The following SEMA4B variants were observed in gnomAD, a reference collection of about 807,000 sequenced individuals.
SEMA4B encodes the protein semaphorin 4B.
SEMA4B carries 55 observed loss-of-function variants against 88.1 expected under a neutral mutation model. That is an observed-to-expected ratio of 0.62 (90% CI 0.50 to 0.78). The LOEUF (loss-of-function observed/expected upper bound fraction) is 0.78, where lower values mean the gene tolerates loss of function less well. Ranked by LOEUF, SEMA4B falls within the 30% of genes least tolerant of loss-of-function variation. The pLI is 0.00. For synonymous variants in SEMA4B, 525 were observed against 473.6 expected (o/e 1.11, Z -1.41); for missense variants, 1,062 against 1,111.9 (o/e 0.96, Z 0.64).
rs1474478863 is a variant in SEMA4B at position 90,223,646 on chromosome 15, T to C, written c.949T>C (p.Phe317Leu). ...GCTGTGCTCACGGCCCGACGATGGCTTCCCCTTCAACGTGCTGCAGGATGT... is the reference window on the plus strand; with the variant it reads ...GCTGTGCTCACGGCCCGACGATGGCCTCCCCTTCAACGTGCTGCAGGATGT... ...QLLCSRPDDG[F>L]PFNVLQDVFT... Residue 317 changes from phenylalanine (F) to leucine (L), a missense_variant, in exon 8 of 14, where the codon TTC (phenylalanine) becomes CTC (leucine). Physicochemically the swap from Phe to Leu is conservative, Grantham distance 22. Coordinates refer to ENST00000411539, the MANE Select transcript of SEMA4B (RefSeq NM_198925.4). 1 of 1,613,566 alleles carries C rather than the reference T, an allele frequency of 6.2e-7. No homozygotes were observed. Among genetic ancestry groups the C allele is most frequent in the Non-Finnish European group, 8.5e-7 (1 of 1,179,778 alleles).
chr15:90,221,560 G>T lies in SEMA4B; in HGVS notation c.710-54G>T, dbSNP rs370495602. 9.3e-5 allele frequency: 150 copies of T among 1,609,220 alleles called. 4 individuals are homozygous for T. Among genetic ancestry groups the T allele is most frequent in the East Asian group, 7.1e-4 (32 of 44,782 alleles). ...GAAGGGGGCACTTTCCCCCAGCTTG[G>T]CCTGTCTCCAGGGTTCCTGGGCTGA... On this transcript the variant is annotated intron_variant, in intron 6 of 13. Transcript: ENST00000411539.
chr15:90,204,606 A>T (rs897741631), intron 1 of SEMA4B, among the ~76,000 whole-genome samples: 1 of 152,194 alleles, frequency 6.6e-6, no homozygotes, highest in Non-Finnish European at 1.5e-5. Context: ...TGGAACTACC[A>T]TGCAGAGCTC....
rs535590318 is a variant in SEMA4B at position 90,218,686 on chromosome 15, G to T, written c.384+857G>T. ...AAAACATTAGCCAGGCATGGTGGCA[G>T]GCGCCTGTAGCCCCAGCTACCTGGG... On this transcript the variant is annotated intron_variant, in intron 3 of 13. Transcript: ENST00000411539. Among the ~76,000 whole-genome samples the T allele has an allele frequency of 5.3e-5, 8 of 152,268 alleles. No individual in the cohort carries two copies. In the East Asian group the frequency reaches 7.7e-4, roughly 15 times the overall value.
intron 1 of SEMA4B, among the ~76,000 whole-genome samples, chr15:90,188,928 C>G (rs1478460496): frequency 6.6e-6 from 1 of 152,118 alleles, no homozygotes; most frequent in Non-Finnish European, 1.5e-5. Flanking sequence ...CTCAGCCTCC[C>G]AAAGTGCTGG....
intron 1 of SEMA4B, among the ~76,000 whole-genome samples, chr15:90,202,357 G>T (rs1456115369): frequency 6.6e-6 from 1 of 152,272 alleles, no homozygotes; most frequent in Non-Finnish European, 1.5e-5. Flanking sequence ...GATGGGGGCA[G>T]CTCTGGGCGC....
At chr15:90,209,915 G>A (rs1961180169) in intron 1 of SEMA4B, among the ~76,000 whole-genome samples, 1 of 152,182 alleles carries the variant, frequency 6.6e-6, no homozygotes, top group Non-Finnish European at 1.5e-5. Context: ...TAGCAAGTTA[G>A]GAGCTTGGAC....
upstream of SEMA4B, among the ~76,000 whole-genome samples, chr15:90,198,602 G>A (rs1358918230): frequency 1.3e-5 from 2 of 152,214 alleles, no homozygotes; most frequent in East Asian, 3.8e-4. Context: ...ATGAGCAAAA[G>A]GAAGCAAGGG....
chr15:90,189,705 T>A (rs1332948725), intron 1 of SEMA4B, among the ~76,000 whole-genome samples: 1 of 152,218 alleles, frequency 6.6e-6, no homozygotes, highest in Non-Finnish European at 1.5e-5. Flanking sequence ...CTAACGCACC[T>A]TAGAGAAATG....
chr15:90,227,525 T>C (rs1419374876), intron 12 of SEMA4B, 32 bp from the exon 13 acceptor site: 6 of 1,608,410 alleles, frequency 3.7e-6, no homozygotes, highest in Non-Finnish European at 5.1e-6. Flanking sequence ...GGGGACTTCC[T>C]GGCCAATCCC....
chr15:90,223,921 A>G lies in SEMA4B; in HGVS notation c.1127A>G (p.Glu376Gly). The change falls in exon 9 of 14, where the codon GAG becomes GGG. Residue 376 changes from glutamate to glycine, a missense_variant. By Grantham distance (98) the Glu-to-Gly change is moderately conservative. Transcript: ENST00000411539. The stretch of plus-strand genomic sequence containing the variant: ...AGAGTCTTCAGCGGCCTCTACAAGG[A>G]GGTGAACCGTGAGACACAGCAGTGG... ...VQRVFSGLYKEVNRETQQWYT... is the reference protein window; with the variant it reads ...VQRVFSGLYKGVNRETQQWYT... 6.2e-7 allele frequency: 1 copy of G among 1,613,870 alleles called. No individual in the cohort carries two copies. Among genetic ancestry groups the G allele is most frequent in the Middle Eastern group, 1.6e-4 (1 of 6,062 alleles).
intron 1 of SEMA4B, among the ~76,000 whole-genome samples, chr15:90,208,981 T>C (rs1000146032): frequency 1.5e-4 from 23 of 152,106 alleles, no homozygotes; most frequent in Admixed American, 1.3e-3. Context: ...TCAGCTGTTA[T>C]ACTTCTATGT....
chr15:90,224,448 G>A (rs905220117), intron 9 of SEMA4B, among the ~76,000 whole-genome samples: 1 of 152,234 alleles, frequency 6.6e-6, no homozygotes, highest in Non-Finnish European at 1.5e-5. Flanking sequence ...CAGCATGAAG[G>A]AATAGGAAGG....
At chr15:90,214,872 T>C in intron 1 of SEMA4B, 1 of 760,190 alleles carries the variant, frequency 1.3e-6, no homozygotes, top group Non-Finnish European at 1.8e-6. Context: ...TCTCTGCTCC[T>C]GATTTTAATG....
rs749467314 is a variant in SEMA4B, at chr15:90,228,864, A to G, written c.*221A>G. 3 of 606,012 alleles carry G rather than the reference A, an allele frequency of 5.0e-6. No homozygotes were observed. Among genetic ancestry groups the G allele is most frequent in the Non-Finnish European group, 8.6e-6 (3 of 347,210 alleles). 37.5% of individuals were successfully genotyped at this position (606,012 alleles called of 1,614,324 possible). A position where few individuals can be genotyped will look rare whatever the true frequency, so the allele number is the denominator to read the frequency against. ...GTGGCCCCAGAGGTCCTGGCCAAAT[A>G]TGGGGGCCTGCCTAGGTTGGTGGAA... is the stretch of plus-strand genomic sequence containing the variant. On this transcript the variant is annotated 3_prime_UTR_variant, in exon 14 of 14. Transcript: ENST00000411539.
At chr15:90,186,113 T>A (rs1281150879) in intron 1 of SEMA4B, among the ~76,000 whole-genome samples, 3 of 151,898 alleles carry the variant, frequency 2.0e-5, no homozygotes, top group African/African-American at 7.2e-5. Context: ...TTTGTATTTT[T>A]AGTAGAGACA....
At chr15:90,209,434 G>A (rs1394595184) in intron 1 of SEMA4B, among the ~76,000 whole-genome samples, 7 of 151,998 alleles carry the variant, frequency 4.6e-5, no homozygotes, top group African/African-American at 9.7e-5. Flanking sequence ...GCATGATGGC[G>A]GGTGCCTGTA....
At position 90,212,943 on chromosome 15, in the gene SEMA4B, G is replaced by A. The variant is rs145126145; in HGVS notation, c.158-4496G>A. Among the ~76,000 whole-genome samples the A allele has an allele frequency of 1.2e-4, 19 of 152,316 alleles. No individual in the cohort carries two copies. Among genetic ancestry groups the A allele is most frequent in the Non-Finnish European group, 1.8e-4 (12 of 68,024 alleles). On this transcript the variant is annotated intron_variant, in intron 1 of 13. Transcript: ENST00000411539. This position sits in a 1 kb window ranked among gnomAD's most constrained non-coding sequence, Gnocchi z 4.0. Reference sequence around the variant, plus strand: ...ATGAGGGAGGCCCGACTCCCGCAAGGAGCCCTGCCCTTCTGCCAGCTCTCA... The same window carrying A: ...ATGAGGGAGGCCCGACTCCCGCAAGAAGCCCTGCCCTTCTGCCAGCTCTCA...
At chr15:90,202,630 C>T (rs1960801453) in intron 1 of SEMA4B, among the ~76,000 whole-genome samples, 1 of 152,226 alleles carries the variant, frequency 6.6e-6, no homozygotes, top group Non-Finnish European at 1.5e-5. Context: ...CTCCCAGTGC[C>T]CCACCTTTCT....
intron 1 of SEMA4B, among the ~76,000 whole-genome samples, chr15:90,186,799 G>A (rs1264093469): frequency 2.0e-5 from 3 of 152,130 alleles, no homozygotes; most frequent in African/African-American, 7.2e-5. Context: ...CAGACGTGGT[G>A]GTGGGCGCCT....
Sources: gnomAD v4.1 joint callset for allele counts (sites outside exome capture counted in the v4.1 genomes callset) on GRCh38, gnomAD v4.1.1 for gene constraint, Gnocchi (gnomAD v3.1) non-coding constraint, MANE v1.5 for transcripts, NCBI Gene and HGNC (gene_info 2026-07-23, HGNC 2026-07-21) for gene names.